FAM162A: variants seen among roughly 807,000 people sequenced by gnomAD.
FAM162A encodes the protein family with sequence similarity 162 member A.
A neutral mutation model predicts 21.8 loss-of-function variants in FAM162A; 23 were observed. The observed-to-expected ratio is 1.05, with a 90% confidence interval of 0.76 to 1.49. FAM162A has a LOEUF of 1.49. FAM162A is among the 40% of genes most tolerant of loss of function. The pLI, the probability that FAM162A is intolerant of heterozygous loss-of-function variation, is 0.00. For missense variants in FAM162A, 165 were observed against 186.4 expected, an observed-to-expected ratio of 0.89 and a Z score of 0.67; for synonymous variants, 53 against 61.3, an observed-to-expected ratio of 0.86 and a Z score of 0.64.
intron 1 of FAM162A, among the ~76,000 whole-genome samples, chr3:122,390,822 T>C (rs1269864050): frequency 1.3e-5 from 2 of 152,174 alleles, no homozygotes; most frequent in Non-Finnish European, 1.5e-5. Context: ...TAAGAACCTT[T>C]ACTCTTAAGA....
chr3:122,399,879 G>A (rs187892860), intron 1 of FAM162A, among the ~76,000 whole-genome samples: 2 of 152,198 alleles, frequency 1.3e-5, no homozygotes, highest in East Asian at 1.9e-4. Context: ...TGAGGCAGTC[G>A]GATCACCTGA....
At chr3:122,400,426 C>T (rs777043659) in intron 1 of FAM162A, among the ~76,000 whole-genome samples, 36 of 152,054 alleles carry the variant, frequency 2.4e-4, no homozygotes, top group Non-Finnish European at 3.5e-4. Flanking sequence ...ATGTAGATGA[C>T]GAGTTGATGG....
chr3:122,395,161 C>T (rs1231770481), intron 1 of FAM162A, among the ~76,000 whole-genome samples: 1 of 152,174 alleles, frequency 6.6e-6, no homozygotes, highest in Non-Finnish European at 1.5e-5. Context: ...CAACTAACAT[C>T]GGACTTAATG....
chr3:122,389,386 GATAGATAGATA>G (rs2075589172), intron 1 of FAM162A, among the ~76,000 whole-genome samples: 6 of 13,628 alleles, frequency 4.4e-4, no homozygotes, highest in South Asian at 2.0e-3. Context: ...TAGATGGATA[GATAGATAGATA>G]GATAGATAGA....
chr3:122,406,952 A>G (rs933894634), intron 3 of FAM162A, among the ~76,000 whole-genome samples: 1 of 152,020 alleles, frequency 6.6e-6, no homozygotes, highest in African/African-American at 2.4e-5. Flanking sequence ...CTGAGAGCCA[A>G]AATTGGGGTC....
At chr3:122,389,377 A>G (rs945659016) in intron 1 of FAM162A, among the ~76,000 whole-genome samples, 68 of 123,494 alleles carry the variant, frequency 5.5e-4, no homozygotes, top group Non-Finnish European at 9.0e-4. Context: ...AAAGTAGTAT[A>G]GATGGATAGA....
intron 1 of FAM162A, among the ~76,000 whole-genome samples, chr3:122,398,314 A>G (rs2075638673): frequency 6.6e-6 from 1 of 152,234 alleles, no homozygotes; most frequent in African/African-American, 2.4e-5. Flanking sequence ...AAAAAAAGAT[A>G]GATGAAAGGT....
rs1459772711 is a variant in FAM162A, at chr3:122,398,552, G to C, written c.35-4208G>C. Among the ~76,000 whole-genome samples, 4 of 152,278 alleles carry C rather than the reference G, an allele frequency of 2.6e-5. No homozygotes were observed. The East Asian group carries it at 7.7e-4, about 29-fold the overall frequency. ...AGAATATGTTGGGCAACACCATGGG[G>C]GTGTGATAAGCAAAATCTAAAATTG... On this transcript the variant is annotated intron_variant, in intron 1 of 4. Transcript: ENST00000477892.
chr3:122,410,521 C>G lies in FAM162A; in HGVS notation c.*690C>G, dbSNP rs2075700112. The G allele has an allele frequency of 6.5e-6, 1 of 152,704 alleles. No individual in the cohort carries two copies. The highest frequency in any genetic ancestry group is 1.5e-5 in the Non-Finnish European group (1 of 68,468). 9.5% of individuals were successfully genotyped at this position (152,704 alleles called of 1,614,324 possible). A position where few individuals can be genotyped will look rare whatever the true frequency, so the allele number is the denominator to read the frequency against. ...AACTAAATTTCTCAATTATAAAAAT[C>G]TCATGTATTATTACTGTTAGAAGTA... is the stretch of plus-strand genomic sequence containing the variant. On this transcript the variant is annotated 3_prime_UTR_variant, in exon 5 of 5. Transcript: ENST00000477892.
chr3:122,389,859 G>T (rs2075592838), intron 1 of FAM162A, among the ~76,000 whole-genome samples: 1 of 152,076 alleles, frequency 6.6e-6, no homozygotes, highest in African/African-American at 2.4e-5. Context: ...TCTGTAATGA[G>T]CAAGTGTTAC....
chr3:122,389,023 T>A (rs1391512743), intron 1 of FAM162A, among the ~76,000 whole-genome samples: 2 of 149,842 alleles, frequency 1.3e-5, no homozygotes, highest in Admixed American at 1.3e-4. Context: ...CACTCCAGCC[T>A]GGGCAACAGA....
In FAM162A at chr3:122,412,200, G is replaced by A. The variant is rs945703447; in HGVS notation, c.*2369G>A. 2 of 152,096 alleles carry A rather than the reference G, an allele frequency of 1.3e-5. No individual in the cohort carries two copies. Among genetic ancestry groups the A allele is most frequent in the African/African-American group, 4.8e-5 (2 of 41,424 alleles). 9.4% of individuals were successfully genotyped at this position (152,096 alleles called of 1,614,324 possible). A position where few individuals can be genotyped will look rare whatever the true frequency, so the allele number is the denominator to read the frequency against. ...TTGTTGCTTTCAGTTAAATTATTGT[G>A]CTATTTTTTGCTTAATTTCTAGGTT... On this transcript the variant is annotated 3_prime_UTR_variant, in exon 5 of 5. Coordinates refer to ENST00000477892, the MANE Select transcript of FAM162A (RefSeq NM_014367.4).
intron 1 of FAM162A, among the ~76,000 whole-genome samples, chr3:122,388,471 A>G (rs2075584537): frequency 6.6e-6 from 1 of 152,206 alleles, no homozygotes; most frequent in Non-Finnish European, 1.5e-5. Flanking sequence ...GGGAGCAATT[A>G]GTCTGGAGTT....
Position 122,410,496 on chromosome 3 carries a change from A to G in FAM162A, c.*665A>G, listed in dbSNP as rs1490656774. The G allele has an allele frequency of 6.6e-6, 1 of 152,594 alleles. No individual in the cohort carries two copies. Among genetic ancestry groups the G allele is most frequent in the Non-Finnish European group, 1.5e-5 (1 of 68,372 alleles). The allele number at this position is 152,594 out of a possible 1,614,324, so 9.5% of individuals were successfully genotyped here. A position where few individuals can be genotyped will look rare whatever the true frequency, so the allele number is the denominator to read the frequency against. ...CTGGCTGTTTTCTTACCACCTGAGA[A>G]ACTAAATTTCTCAATTATAAAAATC... On this transcript the variant is annotated 3_prime_UTR_variant, in exon 5 of 5. Coordinates refer to ENST00000477892, the MANE Select transcript of FAM162A (RefSeq NM_014367.4).
At position 122,410,777 on chromosome 3, in the gene FAM162A, TAA is replaced by T. The variant is rs1465987763; in HGVS notation, c.*947_*948del. On this transcript the variant is annotated 3_prime_UTR_variant, in exon 5 of 5. Coordinates refer to ENST00000477892, the MANE Select transcript of FAM162A (RefSeq NM_014367.4). ...AATGGAAAATTCCTATAACAATGCA[TAA>T]GTTATAGATTACATACCATTCAGTG... 1 of 152,234 alleles carries T rather than the reference TAA, an allele frequency of 6.6e-6. No homozygotes were observed. The highest frequency in any genetic ancestry group is 1.9e-4 in the East Asian group (1 of 5,202). The allele number at this position is 152,234 out of a possible 1,614,324, so 9.4% of individuals were successfully genotyped here.
In FAM162A at chr3:122,402,840, G is replaced by A; in HGVS notation, c.115G>A (p.Gly39Arg). 1 of 1,604,660 alleles carries A rather than the reference G, an allele frequency of 6.2e-7. No individual in the cohort carries two copies. Among genetic ancestry groups the A allele is most frequent in the East Asian group, 2.2e-5 (1 of 44,592 alleles). The change falls in exon 2 of 5, where the codon GGA becomes AGA. Residue 39 changes from glycine (G) to arginine (R), a missense_variant. By Grantham distance (125) the Gly-to-Arg change is moderately radical (BLOSUM62 -2). Transcript: ENST00000477892. ...TRSSDLKRIN[G>R]FCTKPQESPG... Reference sequence around the variant, plus strand: ...AAGCTCTGATTTGAAGAGAATAAATGGATTTTGCACAAAACCACAGGAAAG... The same window carrying A: ...AAGCTCTGATTTGAAGAGAATAAATAGATTTTGCACAAAACCACAGGAAAG...
At chr3:122,391,478 A>G (rs941661572) in intron 1 of FAM162A, among the ~76,000 whole-genome samples, 2 of 152,378 alleles carry the variant, frequency 1.3e-5, no homozygotes, top group South Asian at 4.1e-4. Context: ...TTATTCTAAT[A>G]TCTATAATAA....
chr3:122,392,948 C>T (rs2075610836), intron 1 of FAM162A, among the ~76,000 whole-genome samples: 1 of 152,162 alleles, frequency 6.6e-6, no homozygotes, highest in African/African-American at 2.4e-5. Flanking sequence ...GTGTTTCAAG[C>T]ATCTTACCAG....
chr3:122,394,759 A>AG (rs1422081434), intron 1 of FAM162A, among the ~76,000 whole-genome samples: 1 of 152,218 alleles, frequency 6.6e-6, no homozygotes, highest in African/African-American at 2.4e-5. Context: ...AATACAAAAG[A>AG]GGAGGGATCA....
Sources: allele counts gnomAD v4.1 joint callset (sites outside exome capture counted in the v4.1 genomes callset), GRCh38; gene constraint gnomAD v4.1.1; transcripts MANE v1.5; gene names NCBI Gene and HGNC (gene_info 2026-07-23, HGNC 2026-07-21).